Variants in CNTN2 observed in about 807,000 individuals in gnomAD.
CNTN2 encodes the protein contactin-2.
CNTN2 carries 53 observed loss-of-function variants against 117.5 expected under a neutral mutation model. That is an observed-to-expected ratio of 0.45 (90% confidence interval 0.36 to 0.57). The LOEUF is 0.57. CNTN2 is among the 20% of genes least tolerant of loss of function. The pLI is 0.00. For missense variants in CNTN2, 1,106 were observed against 1,404.3 expected (o/e 0.79, Z 3.39); for synonymous variants, 530 against 561.7 (o/e 0.94, Z 0.80).
chr1:205,072,208 AATG>A, intron 20 of CNTN2, 75 bp downstream of exon 20: 1 of 1,407,202 alleles, frequency 7.1e-7, no homozygotes, highest in Non-Finnish European at 9.7e-7. Context: ...TTCCTTCCCC[AATG>A]ATAAGACAAA....
chr1:205,070,867 A>C (rs961889351), intron 19 of CNTN2: 1 of 177,456 alleles, frequency 5.6e-6, no homozygotes, highest in African/African-American at 2.4e-5. Flanking sequence ...ATGGTGGCCC[A>C]TGCCTGTAAT....
intron 21 of CNTN2, 30 bp downstream of exon 21, chr1:205,072,625 G>A (rs1156750184): frequency 2.0e-6 from 3 of 1,516,960 alleles, no homozygotes; most frequent in African/African-American, 1.4e-5. Context: ...GGCCCAGAAT[G>A]GGAAGGAACA....
At position 205,058,262 on chromosome 1, in the gene CNTN2, C is replaced by T. The variant is rs9787172; in HGVS notation, c.297C>T (p.Asn99=). 0.035 allele frequency: 54,400 copies of T among 1,548,416 alleles called. 1,704 individuals carry two copies. The highest frequency in any genetic ancestry group is 0.12 in the South Asian group (9,575 of 79,374). ...TGGGGGGCAACCTGGTCATCATGAA[C>T]CCCACCAAGGCACAGGATGCCGGGG... is the stretch of plus-strand genomic sequence containing the variant. ...QLVGGNLVIM[N]PTKAQDAGVY... is the part of the protein sequence containing the mutation. The change falls in exon 4 of 23, where the codon AAC becomes AAT. Residue 99 remains asparagine, a synonymous_variant. Coordinates refer to ENST00000331830, the MANE Select transcript of CNTN2 (RefSeq NM_005076.5). This position sits in a 1 kb window ranked among gnomAD's most constrained non-coding sequence, Gnocchi z 4.3.
intron 20 of CNTN2, 139 bp downstream of exon 20, chr1:205,072,272 A>ATTTC: frequency 2.1e-6 from 2 of 949,462 alleles, no homozygotes; most frequent in Non-Finnish European, 1.6e-6. Context: ...AGCGAGCCTA[A>ATTTC]TGGAAATAAG....
At chr1:205,046,073 C>A (rs1254554408) in intron 1 of CNTN2, among the ~76,000 whole-genome samples, 2 of 152,204 alleles carry the variant, frequency 1.3e-5, no homozygotes, top group Non-Finnish European at 2.9e-5. Context: ...ACAAACCACC[C>A]AGAGGCTGTT....
In CNTN2 at chr1:205,073,311, C is replaced by T; in HGVS notation, c.3013+75C>T. 1.3e-6 allele frequency: 2 copies of T among 1,524,884 alleles called. No individual in the cohort carries two copies. Among genetic ancestry groups the T allele is most frequent in the South Asian group, 2.4e-5 (2 of 82,594 alleles). 94.5% of individuals were successfully genotyped at this position (1,524,884 alleles called of 1,614,324 possible). Reference sequence around the variant, plus strand: ...CAGATACCTGAGAGGATCATTCCCACCCAGGCCAACTCCAATCTCTACCCG... The same window carrying T: ...CAGATACCTGAGAGGATCATTCCCATCCAGGCCAACTCCAATCTCTACCCG... On this transcript the variant is annotated intron_variant, in intron 22 of 22. Transcript: ENST00000331830. This position sits in a 1 kb window ranked among gnomAD's most constrained non-coding sequence, Gnocchi z 6.3.
At position 205,074,463 on chromosome 1, in the gene CNTN2, A is replaced by C; in HGVS notation, c.*698A>C. The C allele has an allele frequency of 5.0e-6, 2 of 398,528 alleles. No homozygotes were observed. The highest frequency in any genetic ancestry group is 4.4e-6 in the Non-Finnish European group (1 of 226,226). 24.7% of individuals were successfully genotyped at this position (398,528 alleles called of 1,614,324 possible). A position where few individuals can be genotyped will look rare whatever the true frequency, so the allele number is the denominator to read the frequency against. On this transcript the variant is annotated 3_prime_UTR_variant, in exon 23 of 23. Coordinates refer to ENST00000331830, the MANE Select transcript of CNTN2 (RefSeq NM_005076.5). ...TTGAGAGGCCAGGGCCCTTGGTGGAAAGGGGCACCAGCCTTGGTCTGAGAT... is the reference window on the plus strand; with the variant it reads ...TTGAGAGGCCAGGGCCCTTGGTGGACAGGGGCACCAGCCTTGGTCTGAGAT...
At chr1:205,051,595 A>T (rs2096453013) in intron 1 of CNTN2, among the ~76,000 whole-genome samples, 1 of 152,010 alleles carries the variant, frequency 6.6e-6, no homozygotes, top group South Asian at 2.1e-4. Flanking sequence ...GGGGTGGAGG[A>T]GGGAGTGCCA....
chr1:205,067,303 C>G, intron 16 of CNTN2, 53 bp downstream of exon 16: 1 of 1,574,614 alleles, frequency 6.4e-7, no homozygotes, highest in South Asian at 1.2e-5. Context: ...GACCCTGGCA[C>G]CACTTATAGG....
chr1:205,058,430 A>G lies in CNTN2; in HGVS notation c.391+74A>G. 1 of 1,539,386 alleles carries G rather than the reference A, an allele frequency of 6.5e-7. No homozygotes were observed. Among genetic ancestry groups the G allele is most frequent in the Non-Finnish European group, 8.8e-7 (1 of 1,135,318 alleles). On this transcript the variant is annotated intron_variant, in intron 4 of 22. Coordinates refer to ENST00000331830, the MANE Select transcript of CNTN2 (RefSeq NM_005076.5). This position sits in a 1 kb window ranked among gnomAD's most constrained non-coding sequence, Gnocchi z 4.3. Reference sequence around the variant, plus strand: ...CTAGGAGAAATTACTGAGAAAGGATAAGGGACACCCTCAAGCCGGGCCTTC... The same window carrying G: ...CTAGGAGAAATTACTGAGAAAGGATGAGGGACACCCTCAAGCCGGGCCTTC...
chr1:205,074,386 A>G lies in CNTN2; in HGVS notation c.*621A>G, dbSNP rs886913887. ...TGAGGCTGGGAGCCTGAGCCCCTTC[A>G]GCTTTGAGGGGGGTGATACTCCAGG... On this transcript the variant is annotated 3_prime_UTR_variant, in exon 23 of 23. Coordinates refer to ENST00000331830, the MANE Select transcript of CNTN2 (RefSeq NM_005076.5). The G allele has an allele frequency of 1.5e-5, 6 of 399,944 alleles. No individual in the cohort carries two copies. Among genetic ancestry groups the G allele is most frequent in the African/African-American group, 1.2e-4 (6 of 48,614 alleles). The allele number at this position is 399,944 out of a possible 1,614,324, so 24.8% of individuals were successfully genotyped here.
At chr1:205,045,282 C>T (rs573481003) in intron 1 of CNTN2, among the ~76,000 whole-genome samples, 5 of 152,288 alleles carry the variant, frequency 3.3e-5, no homozygotes, top group African/African-American at 1.2e-4. Flanking sequence ...GGCTTCAGCC[C>T]TCAGCCTCCC....
chr1:205,048,400 C>T lies in CNTN2; in HGVS notation c.-86-4700C>T, dbSNP rs2096445573. On this transcript the variant is annotated intron_variant, in intron 1 of 22. Transcript: ENST00000331830. The surrounding 1 kb of genome is among the most constrained non-coding windows in gnomAD (Gnocchi z 4.1). Reference sequence around the variant, plus strand: ...CAGGCCCTTTGTTTCCTGGGACTGACAATTCAGCCAACTCCCCCTGGTGCC... The same window carrying T: ...CAGGCCCTTTGTTTCCTGGGACTGATAATTCAGCCAACTCCCCCTGGTGCC... Among the ~76,000 whole-genome samples the T allele has an allele frequency of 6.6e-6, 1 of 152,102 alleles. No homozygotes were observed. Among genetic ancestry groups the T allele is most frequent in the Admixed American group, 6.5e-5 (1 of 15,280 alleles).
In CNTN2 at chr1:205,069,833, T is replaced by G; in HGVS notation, c.2203T>G (p.Ser735Ala). 6.2e-7 allele frequency: 1 copy of G among 1,613,448 alleles called. No homozygotes were observed. Among genetic ancestry groups the G allele is most frequent in the South Asian group, 1.1e-5 (1 of 91,064 alleles). Residue 735 changes from serine to alanine, a missense_variant, in exon 18 of 23, where the codon TCA (serine) becomes GCA (alanine). Coordinates refer to ENST00000331830, the MANE Select transcript of CNTN2 (RefSeq NM_005076.5). Reference sequence around the variant, plus strand: ...CCATGCTCTTGCCCCTCAGCCCATGTCACGGGAGTACCAGAACGGAGACGG... The same window carrying G: ...CCATGCTCTTGCCCCTCAGCCCATGGCACGGGAGTACCAGAACGGAGACGG... ...GELIVNWTPM[S>A]REYQNGDGFG...
Position 205,075,038 on chromosome 1 carries a change from C to T in CNTN2, c.*1273C>T. 2.5e-6 allele frequency: 1 copy of T among 397,240 alleles called. No homozygotes were observed. The allele number at this position is 397,240 out of a possible 1,614,324, so 24.6% of individuals were successfully genotyped here. ...CAACTTCTTCAAGCCCCTCACTTTACAGATGAGGAAATGGAGGTGGTCCAG... is the reference window on the plus strand; with the variant it reads ...CAACTTCTTCAAGCCCCTCACTTTATAGATGAGGAAATGGAGGTGGTCCAG... On this transcript the variant is annotated 3_prime_UTR_variant, in exon 23 of 23. Transcript: ENST00000331830.
chr1:205,043,845 AC>A, intron 1 of CNTN2, among the ~76,000 whole-genome samples: 1 of 152,180 alleles, frequency 6.6e-6, no homozygotes, highest in South Asian at 2.1e-4. Context: ...TTTTGAGGTC[AC>A]CCAGGGTCTA....
At chr1:205,063,981 G>A in intron 10 of CNTN2, among the ~76,000 whole-genome samples, 1 of 152,144 alleles carries the variant, frequency 6.6e-6, no homozygotes, top group Non-Finnish European at 1.5e-5. Context: ...TGGAAAGGTG[G>A]AGACTTATTT....
chr1:205,065,642 T>G lies in CNTN2; in HGVS notation c.1696-147T>G. ...AAGTGATGAGTCGTGATTCCTCCCA[T>G]TGAGCAGACAGGAAAACTGAGATCC... On this transcript the variant is annotated intron_variant, in intron 13 of 22. Coordinates refer to ENST00000331830, the MANE Select transcript of CNTN2 (RefSeq NM_005076.5). The surrounding 1 kb of genome is among the most constrained non-coding windows in gnomAD (Gnocchi z 4.1). 5 of 981,174 alleles carry G rather than the reference T, an allele frequency of 5.1e-6. No individual in the cohort carries two copies. The South Asian group carries it at 7.8e-5, about 15-fold the overall frequency. The allele number at this position is 981,174 out of a possible 1,614,324, so 60.8% of individuals were successfully genotyped here.
chr1:205,059,118 C>T lies in CNTN2; in HGVS notation c.522C>T (p.Pro174=). 6.2e-7 allele frequency: 1 copy of T among 1,614,222 alleles called. No individual in the cohort carries two copies. The highest frequency in any genetic ancestry group is 8.5e-7 in the Non-Finnish European group (1 of 1,180,052). Residue 174 remains proline, a synonymous_variant, in exon 6 of 23, where the codon CCC becomes CCT. Coordinates refer to ENST00000331830, the MANE Select transcript of CNTN2 (RefSeq NM_005076.5). This position sits in a 1 kb window ranked among gnomAD's most constrained non-coding sequence, Gnocchi z 5.6. ...LSYRWLLNEF[P]NFIPTDGRHF... is the part of the protein sequence containing the mutation. ...ACCGCTGGCTCCTCAACGAGTTCCC[C>T]AACTTCATCCCGACGGACGGGCGTC... is the stretch of plus-strand genomic sequence containing the variant.
Sources: gnomAD v4.1 joint callset for allele counts (sites outside exome capture counted in the v4.1 genomes callset) on GRCh38, gnomAD v4.1.1 for gene constraint, Gnocchi (gnomAD v3.1) non-coding constraint, MANE v1.5 for transcripts, NCBI Gene and HGNC (gene_info 2026-07-23, HGNC 2026-07-21) for gene names.